ARMC3: variants seen among roughly 807,000 people sequenced by gnomAD.
ARMC3 encodes the protein armadillo repeat containing 3, also known as armadillo repeat-containing protein 3.
Under a neutral mutation model 90.3 loss-of-function variants are expected in ARMC3, and 74 were observed. The observed-to-expected ratio is 0.82, with a 90% CI of 0.68 to 0.99. ARMC3 has a LOEUF of 0.99. Ranked by LOEUF, ARMC3 falls within the 50% of genes least tolerant of loss-of-function variation. The probability of loss-of-function intolerance (pLI) is 0.00; values close to 1 mark genes in which losing one functional copy is unlikely to be tolerated. For missense variants in ARMC3, 958 were observed against 1,042.8 expected, an observed-to-expected ratio of 0.92 and a Z score of 1.12; for synonymous variants, 334 against 361.8, an observed-to-expected ratio of 0.92 and a Z score of 0.87.
At chr10:22,988,816 A>G (rs1836574803) in intron 10 of ARMC3, among the ~76,000 whole-genome samples, 1 of 152,346 alleles carries the variant, frequency 6.6e-6, no homozygotes, top group South Asian at 2.1e-4. Flanking sequence ...ACCCACTTAC[A>G]TAAGTAATCC....
intron 2 of ARMC3, among the ~76,000 whole-genome samples, chr10:22,943,593 GT>G (rs982778514): frequency 6.6e-6 from 1 of 151,378 alleles, no homozygotes; most frequent in Non-Finnish European, 1.5e-5. Context: ...GCCATTATTA[GT>G]TTTTTTTCCC....
intron 16 of ARMC3, among the ~76,000 whole-genome samples, chr10:23,009,488 G>A (rs1258316968): frequency 1.3e-5 from 2 of 152,036 alleles, no homozygotes; most frequent in Non-Finnish European, 1.5e-5. Context: ...TGAGGTCTGT[G>A]TTTTGTTTTG....
chr10:22,970,262 G>A (rs1835623979), intron 8 of ARMC3, among the ~76,000 whole-genome samples: 1 of 152,188 alleles, frequency 6.6e-6, no homozygotes, highest in African/African-American at 2.4e-5. Context: ...ATGGGATGGA[G>A]GAGGAGAAGT....
intron 8 of ARMC3, among the ~76,000 whole-genome samples, chr10:22,980,227 T>C (rs1384436578): frequency 6.6e-6 from 1 of 152,194 alleles, no homozygotes; most frequent in Admixed American, 6.5e-5. Flanking sequence ...AATAGAATAT[T>C]CTTCTCTTAT....
intron 12 of ARMC3, 128 bp downstream of exon 12, chr10:23,002,183 TCCCCAGGGCGGGCC>T: frequency 7.4e-7 from 1 of 1,349,946 alleles, no homozygotes; most frequent in Non-Finnish European, 9.8e-7. Context: ...GCGCTGCATG[TCCCCAGGGCGGGCC>T]TTGGCTTGGA....
Position 22,968,402 on chromosome 10 carries a change from A to T in ARMC3, c.829A>T (p.Lys277Ter), listed in dbSNP as rs779879985. The T allele has an allele frequency of 6.2e-7, 1 of 1,613,464 alleles. No individual in the cohort carries two copies. Among genetic ancestry groups the T allele is most frequent in the South Asian group, 1.1e-5 (1 of 90,978 alleles). ...MVQIQQTGGL[K>*]KLLSFAENST... ...GCAGATTCAGCAGACAGGGGGTCTT[A>T]AAAAGCTCCTGTCATTTGCAGAAAA... The change falls in exon 8 of 19, where the codon AAA (lysine) becomes TAA (stop). Residue 277 changes from lysine to a stop codon, truncating the protein, a stop_gained. Transcript: ENST00000298032. LOFTEE classifies it high-confidence loss of function.
At chr10:22,933,834 G>A (rs1186061024) in intron 2 of ARMC3, among the ~76,000 whole-genome samples, 2 of 152,282 alleles carry the variant, frequency 1.3e-5, no homozygotes, top group East Asian at 1.9e-4. Context: ...GCAGTGAGCT[G>A]AGATCCCACC....
At chr10:22,995,406 A>G (rs561258452) in intron 10 of ARMC3, among the ~76,000 whole-genome samples, 1 of 152,292 alleles carries the variant, frequency 6.6e-6, no homozygotes, top group South Asian at 2.1e-4. Context: ...AGTGCTGCAT[A>G]TAGCAAATTA....
At chr10:23,026,983 A>G (rs759081332) in intron 16 of ARMC3, among the ~76,000 whole-genome samples, 7 of 152,156 alleles carry the variant, frequency 4.6e-5, no homozygotes, top group Non-Finnish European at 8.8e-5. Flanking sequence ...CCATATGTCT[A>G]TCCCTCTACT....
At chr10:22,978,108 T>C (rs1836011361) in intron 8 of ARMC3, among the ~76,000 whole-genome samples, 1 of 152,242 alleles carries the variant, frequency 6.6e-6, no homozygotes, top group Non-Finnish European at 1.5e-5. Flanking sequence ...TGGCCAGATC[T>C]ACCATATCCA....
rs141115754 is a variant in ARMC3, at chr10:23,037,287, T to C, written c.2427T>C (p.Ile809=). 30 of 1,598,314 alleles carry C rather than the reference T, an allele frequency of 1.9e-5. No individual in the cohort carries two copies. Among genetic ancestry groups the C allele is most frequent in the Non-Finnish European group, 2.3e-5 (27 of 1,169,188 alleles). Residue 809 remains isoleucine (I), a synonymous_variant, in exon 19 of 19, where the codon ATT becomes ATC. Coordinates refer to ENST00000298032, the MANE Select transcript of ARMC3 (RefSeq NM_173081.5). ...TCCTGCAGGCTCTGGCTGATAGAAT[T>C]GGCATTGGTTGCTCCCTAGTTCGCG... ...ALLFKALADR[I]GIGCSLVRGE... is the part of the protein sequence containing the mutation.
At chr10:23,001,489 C>T (rs922050028) in intron 11 of ARMC3, among the ~76,000 whole-genome samples, 1 of 152,198 alleles carries the variant, frequency 6.6e-6, no homozygotes, top group Non-Finnish European at 1.5e-5. Flanking sequence ...TCCAGGATAA[C>T]CTCCCCATCT....
In ARMC3 at chr10:22,962,076, A is replaced by G. The variant is rs1835223037; in HGVS notation, c.730A>G (p.Lys244Glu). ...CCATCTTATTAAGATCCTAGAAACT[A>G]AGGTATTTAGTTTCATTCATTCCAC... ...LDHLIKILET[K>E]ELNDLHIEAL... is the part of the protein sequence containing the mutation. The change falls in exon 7 of 19, where the codon AAG becomes GAG. Residue 244 changes from lysine to glutamate, a missense_variant and splice_region_variant. Transcript: ENST00000298032. 1 of 1,552,812 alleles carries G rather than the reference A, an allele frequency of 6.4e-7. No individual in the cohort carries two copies. The highest frequency in any genetic ancestry group is 8.7e-7 in the Non-Finnish European group (1 of 1,150,930).
intron 5 of ARMC3, 119 bp from the exon 6 acceptor site, chr10:22,959,280 A>T (rs1835091165): frequency 1.5e-6 from 2 of 1,327,688 alleles, no homozygotes; most frequent in Non-Finnish European, 2.1e-6. Flanking sequence ...GAGTTTATAA[A>T]AGAGGTGAGC....
chr10:23,007,472 C>T (rs12259549), intron 14 of ARMC3, among the ~76,000 whole-genome samples: 3,522 of 152,132 alleles, frequency 0.023, 142 homozygotes, highest in African/African-American at 0.082. Flanking sequence ...CTTTGGGAGC[C>T]GAGGCGGGCA....
At chr10:23,013,582 C>T (rs1838124650) in intron 16 of ARMC3, among the ~76,000 whole-genome samples, 1 of 152,182 alleles carries the variant, frequency 6.6e-6, no homozygotes, top group Non-Finnish European at 1.5e-5. Context: ...ACTTCTGTCA[C>T]CTCAGAGTTC....
At chr10:23,000,215 C>T (rs1466066075) in intron 11 of ARMC3, among the ~76,000 whole-genome samples, 1 of 152,050 alleles carries the variant, frequency 6.6e-6, no homozygotes, top group Admixed American at 6.6e-5. Context: ...CTCTACACTC[C>T]AGAAATGCCA....
rs370542764 is a variant in ARMC3, at chr10:22,968,531, G to A, written c.916+42G>A. ...TTTATTTATTTTGAGATAGGATCTT[G>A]CTCTGTTTCTCAGGCTGGAGTGCTG... On this transcript the variant is annotated intron_variant, in intron 8 of 18. Coordinates refer to ENST00000298032, the MANE Select transcript of ARMC3 (RefSeq NM_173081.5). 8.0e-6 allele frequency: 12 copies of A among 1,493,180 alleles called. No homozygotes were observed. In the African/African-American group the frequency reaches 1.1e-4, roughly 14 times the overall value. 92.5% of individuals were successfully genotyped at this position (1,493,180 alleles called of 1,614,324 possible). A position where few individuals can be genotyped will look rare whatever the true frequency, so the allele number is the denominator to read the frequency against.
chr10:22,942,295 T>C (rs535640579), intron 2 of ARMC3, among the ~76,000 whole-genome samples: 2 of 152,272 alleles, frequency 1.3e-5, no homozygotes, highest in African/African-American at 4.8e-5. Context: ...GCCTGAACAC[T>C]GTGGGTGCGG....
Sources: allele counts gnomAD v4.1 joint callset (sites outside exome capture counted in the v4.1 genomes callset), GRCh38; gene constraint gnomAD v4.1.1; transcripts MANE v1.5; gene names NCBI Gene and HGNC (gene_info 2026-07-23, HGNC 2026-07-21).